The following GRM8 variants were observed in gnomAD, a reference collection of about 807,000 sequenced individuals.
The protein encoded by GRM8 is glutamate metabotropic receptor 8.
A neutral mutation model predicts 87.2 loss-of-function variants in GRM8; 47 were observed. The ratio of observed to expected loss-of-function variants is 0.54; its 90% CI spans 0.43 to 0.69. The LOEUF is 0.69. Among genes scored for constraint, GRM8 ranks in the 30% least tolerant of loss-of-function variants. The probability of loss-of-function intolerance (pLI) is 0.00; values close to 1 mark genes in which losing one functional copy is unlikely to be tolerated. For synonymous variants in GRM8, 396 were observed against 404.5 expected (o/e 0.98, Z 0.25); for missense variants, 1,019 against 1,139.2 (o/e 0.89, Z 1.52).
intron 2 of GRM8, among the ~76,000 whole-genome samples, chr7:127,154,370 ATGT>A (rs1792593857): frequency 6.6e-6 from 1 of 151,978 alleles, no homozygotes; most frequent in African/African-American, 2.4e-5. Context: ...ACACCAAGTG[ATGT>A]TGTAAGTCCC....
intron 3 of GRM8, among the ~76,000 whole-genome samples, chr7:127,071,335 T>A (rs1358727175): frequency 6.6e-6 from 1 of 152,210 alleles, no homozygotes; most frequent in Non-Finnish European, 1.5e-5. Flanking sequence ...TAATTTGATA[T>A]CCTAGAGTAT....
At chr7:126,661,065 T>C (rs1805109383) in intron 7 of GRM8, among the ~76,000 whole-genome samples, 1 of 152,094 alleles carries the variant, frequency 6.6e-6, no homozygotes, top group Admixed American at 6.5e-5. Flanking sequence ...AAAAAATAGT[T>C]AGAAAGAATG....
chr7:127,164,424 T>C lies in GRM8; in HGVS notation c.511-57712A>G, dbSNP rs542744176. Among the ~76,000 whole-genome samples the C allele has an allele frequency of 2.0e-5, 3 of 152,280 alleles. No individual in the cohort carries two copies. The East Asian group carries it at 5.8e-4, about 29-fold the overall frequency. On this transcript the variant is annotated intron_variant, in intron 2 of 10. Transcript: ENST00000339582. ...TAGCCCTAAAAGTAAAGGCTGCAAG[T>C]GATGTGTTTGTGGTCCTTTCTGAAC...
At chr7:126,682,328 A>C (rs1807677499) in intron 7 of GRM8, among the ~76,000 whole-genome samples, 1 of 152,354 alleles carries the variant, frequency 6.6e-6, no homozygotes, top group South Asian at 2.1e-4. Context: ...GCTGTCCTCT[A>C]TTTAAGACAT....
Position 127,180,026 on chromosome 7 carries a change from GAAAC to G in GRM8, c.510+62665_510+62668del, listed in dbSNP as rs977285322. 1.7e-4 allele frequency among the ~76,000 whole-genome samples: 26 copies of G among 151,896 alleles called. No homozygotes were observed. The East Asian group carries it at 2.3e-3, about 14-fold the overall frequency. On this transcript the variant is annotated intron_variant, in intron 2 of 10. Transcript: ENST00000339582. The stretch of plus-strand genomic sequence containing the variant: ...GATCAGAGCAGAACTAAATGAAATT[GAAAC>G]AAACAAACAAAAAAGATAAATGAAA...
intron 3 of GRM8, among the ~76,000 whole-genome samples, chr7:127,027,384 A>G (rs1816895606): frequency 6.6e-6 from 1 of 152,204 alleles, no homozygotes; most frequent in Non-Finnish European, 1.5e-5. Flanking sequence ...AGTCAGTGGT[A>G]GCTTGACAGG....
chr7:126,901,048 CTG>C (rs762797029), intron 6 of GRM8, among the ~76,000 whole-genome samples: 5 of 152,206 alleles, frequency 3.3e-5, no homozygotes, highest in African/African-American at 4.8e-5. Context: ...AACTTCAAGA[CTG>C]TGCATGGTCT....
In GRM8 at chr7:126,438,994, C is replaced by T; in HGVS notation, c.*125G>A. 5.5e-6 allele frequency: 4 copies of T among 726,356 alleles called. No homozygotes were observed. Among genetic ancestry groups the T allele is most frequent in the Non-Finnish European group, 1.0e-5 (4 of 399,606 alleles). 45.0% of individuals were successfully genotyped at this position (726,356 alleles called of 1,614,324 possible). On this transcript the variant is annotated 3_prime_UTR_variant, in exon 11 of 11. Transcript: ENST00000339582. ...GCTCATGGCTAATTTTTGTTCCTTA[C>T]AAGACTGACTATTGATTTGATTGAT...
At chr7:127,081,714 A>C (rs752500860) in intron 3 of GRM8, among the ~76,000 whole-genome samples, 2 of 152,164 alleles carry the variant, frequency 1.3e-5, no homozygotes, top group East Asian at 3.9e-4. Context: ...AGAACTGAAG[A>C]TATCATTTGG....
intron 9 of GRM8, among the ~76,000 whole-genome samples, chr7:126,517,333 A>G (rs897265647): frequency 7.9e-5 from 12 of 152,120 alleles, no homozygotes; most frequent in Non-Finnish European, 1.5e-4. Context: ...ACTTACCAAC[A>G]AACGAGTAAG....
chr7:126,536,275 T>C (rs1173353347), intron 8 of GRM8, among the ~76,000 whole-genome samples: 1 of 152,208 alleles, frequency 6.6e-6, no homozygotes, highest in Non-Finnish European at 1.5e-5. Context: ...GAAATCGTTC[T>C]CATGAACAAT....
intron 3 of GRM8, among the ~76,000 whole-genome samples, chr7:126,971,157 TAAAAAAAAAAAAAAAAA>T (rs71177581): frequency 1.0e-5 from 1 of 100,244 alleles, no homozygotes; most frequent in South Asian, 3.9e-4. Flanking sequence ...TTTCAATTTG[TAAAAAAAAAAAAAAAAA>T]AAAAAAAAAA....
chr7:126,921,942 G>A (rs1359616234), intron 3 of GRM8, among the ~76,000 whole-genome samples: 1 of 152,066 alleles, frequency 6.6e-6, no homozygotes, highest in South Asian at 2.1e-4. Flanking sequence ...AAGTGATGAT[G>A]AAGAGAAGCA....
intron 2 of GRM8, among the ~76,000 whole-genome samples, chr7:127,112,975 G>C (rs531810748): frequency 4.0e-4 from 61 of 152,022 alleles, no homozygotes; most frequent in Non-Finnish European, 6.0e-4. Context: ...AGATATTCCA[G>C]ACAGGGAAAA....
At position 126,568,646 on chromosome 7, in the gene GRM8, A is replaced by G. The variant is rs182194852; in HGVS notation, c.1495-34759T>C. 6.6e-4 allele frequency among the ~76,000 whole-genome samples: 100 copies of G among 152,314 alleles called. 1 individual carries two copies. The highest frequency in any genetic ancestry group is 1.2e-3 in the Non-Finnish European group (85 of 68,018). ...GCAGATCATTAAACTGATAAAAAGTACTACAAAAATTTATGTTGTCCTTCA... is the reference window on the plus strand; with the variant it reads ...GCAGATCATTAAACTGATAAAAAGTGCTACAAAAATTTATGTTGTCCTTCA... On this transcript the variant is annotated intron_variant, in intron 8 of 10. Coordinates refer to ENST00000339582, the MANE Select transcript of GRM8 (RefSeq NM_000845.3).
chr7:127,156,890 G>A (rs1792765623), intron 2 of GRM8, among the ~76,000 whole-genome samples: 1 of 152,044 alleles, frequency 6.6e-6, no homozygotes. Flanking sequence ...CTTCCTAGAT[G>A]GAATAAATAG....
chr7:126,917,769 G>T (rs1207116685), intron 3 of GRM8, among the ~76,000 whole-genome samples: 2 of 152,144 alleles, frequency 1.3e-5, no homozygotes, highest in Admixed American at 1.3e-4. Flanking sequence ...AGGTAAGGTG[G>T]TATATTCAAA....
chr7:126,917,543 T>C (rs575079846), intron 3 of GRM8, among the ~76,000 whole-genome samples: 23 of 152,308 alleles, frequency 1.5e-4, no homozygotes, highest in Admixed American at 1.2e-3. Flanking sequence ...CTTCATAATA[T>C]CCTAATGCTA....
intron 2 of GRM8, among the ~76,000 whole-genome samples, chr7:127,206,002 C>G (rs1795889083): frequency 6.6e-6 from 1 of 152,236 alleles, no homozygotes; most frequent in Non-Finnish European, 1.5e-5. Flanking sequence ...CCACCTTGGA[C>G]TCCGTTAGGA....
Sources: allele counts gnomAD v4.1 joint callset (sites outside exome capture counted in the v4.1 genomes callset), GRCh38; gene constraint gnomAD v4.1.1; transcripts MANE v1.5; gene names NCBI Gene and HGNC (gene_info 2026-07-23, HGNC 2026-07-21).